The following ENTPD5 variants were observed in gnomAD, a reference collection of about 807,000 sequenced individuals.
ENTPD5 encodes ectonucleoside triphosphate diphosphohydrolase 5 (inactive), also known as nucleoside diphosphate phosphatase ENTPD5.
A neutral mutation model predicts 60.2 loss-of-function variants in ENTPD5; 49 were observed. The observed-to-expected ratio is 0.81, with a 90% CI of 0.65 to 1.03. The LOEUF is 1.03. Ranked by LOEUF, ENTPD5 falls within the 50% of genes least tolerant of loss-of-function variation. ENTPD5 has a pLI of 0.00. For missense variants in ENTPD5, 480 were observed against 507.6 expected (o/e 0.95, Z 0.52); for synonymous variants, 187 against 185.4 (o/e 1.01, Z -0.07).
chr14:74,014,756 T>G (rs764339729), intron 2 of ENTPD5, among the ~76,000 whole-genome samples: 6 of 152,148 alleles, frequency 3.9e-5, no homozygotes, highest in Non-Finnish European at 7.3e-5. Context: ...AATTCTATAT[T>G]TGCAGCACAT....
At chr14:73,989,760 G>T (rs911747583) in intron 3 of ENTPD5, among the ~76,000 whole-genome samples, 48 of 151,052 alleles carry the variant, frequency 3.2e-4, no homozygotes, top group Admixed American at 7.3e-4. Context: ...TTGAACCCGG[G>T]AGGCAGAGGT....
At chr14:73,955,655 G>C, downstream of ENTPD5, 6 of 1,396,210 alleles carry the variant, frequency 4.3e-6, no homozygotes, top group Non-Finnish European at 6.1e-6. Context: ...AGCATTCCCA[G>C]GAGAATTTTC....
At chr14:73,972,015 A>G in intron 13 of ENTPD5, 107 bp from the exon 14 acceptor site, 1 of 745,086 alleles carries the variant, frequency 1.3e-6, no homozygotes, top group Non-Finnish European at 2.4e-6. Flanking sequence ...TAATCTATGC[A>G]ACCTAATTTA....
chr14:73,986,757 G>A, intron 5 of ENTPD5, 57 bp downstream of exon 5: 1 of 1,161,104 alleles, frequency 8.6e-7, no homozygotes. Flanking sequence ...AACAGCAGTG[G>A]TGTGGTCAAG....
chr14:73,986,928 C>G (rs1323306475), intron 4 of ENTPD5, 35 bp from the exon 5 acceptor site: 7 of 1,555,902 alleles, frequency 4.5e-6, no homozygotes, highest in African/African-American at 1.4e-5. Flanking sequence ...GAAGAGAGAG[C>G]TGGTTACCAA....
intron 1 of ENTPD5, 150 bp downstream of exon 1, chr14:74,019,100 G>C (rs2059171152): frequency 6.6e-6 from 1 of 152,436 alleles, no homozygotes; most frequent in Non-Finnish European, 1.5e-5. Flanking sequence ...TAAGTCTCCT[G>C]AGGCAAGGGC....
chr14:74,008,619 T>TCTCCTGAC (rs1377615349), intron 3 of ENTPD5, among the ~76,000 whole-genome samples: 4 of 151,994 alleles, frequency 2.6e-5, no homozygotes, highest in Admixed American at 6.6e-5. Context: ...AGGGTCTCGA[T>TCTCCTGAC]CTCCTGACCT....
At chr14:73,984,528 T>A (rs2057821082) in intron 5 of ENTPD5, among the ~76,000 whole-genome samples, 1 of 152,198 alleles carries the variant, frequency 6.6e-6, no homozygotes, top group African/African-American at 2.4e-5. Context: ...TGAAAACCAT[T>A]ATTTTAAATC....
downstream of ENTPD5, chr14:73,955,937 C>G: frequency 6.2e-7 from 1 of 1,613,880 alleles, no homozygotes; most frequent in Non-Finnish European, 8.5e-7. Flanking sequence ...TGGTGAGGCC[C>G]CCATCTTCCA....
downstream of ENTPD5, chr14:73,960,200 G>A (rs2056648957): frequency 1.0e-6 from 1 of 988,176 alleles, no homozygotes; most frequent in African/African-American, 1.7e-5. Flanking sequence ...TTTCAGCATG[G>A]GGCTTAAGAG....
At chr14:73,975,100 T>A in intron 10 of ENTPD5, 115 bp from the exon 11 acceptor site, 1 of 828,014 alleles carries the variant, frequency 1.2e-6, no homozygotes, top group Non-Finnish European at 2.0e-6. Context: ...GAAAACCTTG[T>A]TCTGTCTGTG....
At position 73,977,049 on chromosome 14, in the gene ENTPD5, AGCTAATAT is replaced by A. The variant is rs748543742; in HGVS notation, c.520_527del (p.Ile174LeufsTer38). 12 of 1,613,752 alleles carry A rather than the reference AGCTAATAT, an allele frequency of 7.4e-6. No homozygotes were observed. The highest frequency in any genetic ancestry group is 1.0e-5 in the Non-Finnish European group (12 of 1,179,748). On this transcript the variant is annotated frameshift_variant and splice_region_variant, in exon 8 of 16. Transcript: ENST00000334696. LOFTEE classifies it high-confidence loss of function. Reference sequence around the variant, plus strand: ...CTGTCAGAAAATTCACAGTAACCCAAGCTAATATGCCTAAAAAGAAAGAAAGACAAGGA... The same window carrying A: ...CTGTCAGAAAATTCACAGTAACCCAAGCCTAAAAAGAAAGAAAGACAAGGA...
At chr14:73,984,144 C>G (rs2057806169) in intron 5 of ENTPD5, among the ~76,000 whole-genome samples, 1 of 152,216 alleles carries the variant, frequency 6.6e-6, no homozygotes, top group African/African-American at 2.4e-5. Flanking sequence ...TCTCCTGCCT[C>G]AGCCTCCTGA....
chr14:74,002,964 T>A (rs1020616335), intron 3 of ENTPD5, among the ~76,000 whole-genome samples: 1 of 152,208 alleles, frequency 6.6e-6, no homozygotes, highest in Non-Finnish European at 1.5e-5. Flanking sequence ...TGCCCCTGCC[T>A]TAGGGCCTTC....
At chr14:73,970,153 C>T (rs1233251455) in intron 14 of ENTPD5, 28 bp from the exon 15 acceptor site, 2 of 1,518,292 alleles carry the variant, frequency 1.3e-6, no homozygotes, top group South Asian at 1.1e-5. Flanking sequence ...CAGTGGAGCT[C>T]AAGTTTGCAA....
intron 15 of ENTPD5, among the ~76,000 whole-genome samples, chr14:73,967,761 C>T (rs1222685069): frequency 4.4e-5 from 6 of 136,306 alleles, no homozygotes; most frequent in African/African-American, 1.4e-4. Context: ...GATCATGCCA[C>T]TGCACTCCAG....
At chr14:73,956,412 A>G (rs1046209319), downstream of ENTPD5, 30 of 163,030 alleles carry the variant, frequency 1.8e-4, no homozygotes, top group African/African-American at 6.0e-4. Context: ...TAATAATTCT[A>G]TGTTTAATAT....
At chr14:73,972,538 G>C (rs926922820) in intron 13 of ENTPD5, among the ~76,000 whole-genome samples, 8 of 152,144 alleles carry the variant, frequency 5.3e-5, no homozygotes, top group Admixed American at 5.2e-4. Flanking sequence ...GTTATAAAGA[G>C]ACAGGAGGAA....
At chr14:73,959,532 A>G, downstream of ENTPD5, 1 of 1,613,886 alleles carries the variant, frequency 6.2e-7, no homozygotes, top group South Asian at 1.1e-5. Flanking sequence ...TGTGAGTATC[A>G]ATTTACCCAG....
Sources: allele counts gnomAD v4.1 joint callset (sites outside exome capture counted in the v4.1 genomes callset), GRCh38; gene constraint gnomAD v4.1.1; transcripts MANE v1.5; gene names NCBI Gene and HGNC (gene_info 2026-07-23, HGNC 2026-07-21).